NLGN1: variants seen among roughly 807,000 people sequenced by gnomAD.
NLGN1 encodes neuroligin 1.
In NLGN1, 12 loss-of-function variants were observed where a neutral mutation model predicts 65.5. The ratio of observed to expected loss-of-function variants is 0.18; its 90% CI spans 0.12 to 0.30. The LOEUF (loss-of-function observed/expected upper bound fraction) is 0.30, where lower values mean the gene tolerates loss of function less well. NLGN1 is among the 10% of genes least tolerant of loss of function. The probability of loss-of-function intolerance (pLI) is 1.00; values close to 1 mark genes in which losing one functional copy is unlikely to be tolerated. For missense variants in NLGN1, 750 were observed against 1,007.1 expected, an observed-to-expected ratio of 0.74 and a Z score of 3.46; for synonymous variants, 350 against 359.5, an observed-to-expected ratio of 0.97 and a Z score of 0.30.
At chr3:174,238,954 G>T (rs990399554) in intron 4 of NLGN1, among the ~76,000 whole-genome samples, 3 of 152,072 alleles carry the variant, frequency 2.0e-5, no homozygotes, top group African/African-American at 7.2e-5. Flanking sequence ...GGGGTTGGTG[G>T]AATGTCTTGG....
At chr3:173,815,397 G>A (rs113587639) in intron 4 of NLGN1, among the ~76,000 whole-genome samples, 8,696 of 151,948 alleles carry the variant, frequency 0.057, 608 homozygotes, top group East Asian at 0.17. Context: ...ATGAGCCACC[G>A]CACCCAGCCC....
chr3:173,707,774 G>C (rs1384835339), intron 3 of NLGN1, among the ~76,000 whole-genome samples: 1 of 152,122 alleles, frequency 6.6e-6, no homozygotes. Context: ...ATCTAATTAA[G>C]AAACTGAAAA....
At position 174,003,718 on chromosome 3, in the gene NLGN1, G is replaced by T. The variant is rs145461092; in HGVS notation, c.646+195886G>T. On this transcript the variant is annotated intron_variant, in intron 4 of 6. Coordinates refer to ENST00000457714, the Ensembl canonical transcript of NLGN1. ...AAAGATGGAAAATTAGACTCTTGAG[G>T]AAAGGACCTTTATCTATTTTATCTG... Among the ~76,000 whole-genome samples, 19 of 152,188 alleles carry T rather than the reference G, an allele frequency of 1.2e-4. No homozygotes were observed. In the East Asian group the frequency reaches 3.5e-3, roughly 28 times the overall value.
intron 3 of NLGN1, among the ~76,000 whole-genome samples, chr3:173,679,123 T>C (rs1337657912): frequency 1.4e-5 from 2 of 139,556 alleles, no homozygotes; most frequent in Non-Finnish European, 3.0e-5. Context: ...GCAGCCCCGA[T>C]GTGAAAAAAA....
intron 4 of NLGN1, among the ~76,000 whole-genome samples, chr3:174,231,596 T>G (rs1243506020): frequency 1.3e-5 from 2 of 152,132 alleles, no homozygotes; most frequent in Non-Finnish European, 2.9e-5. Context: ...CAGGCCATAT[T>G]TAGTTTGCGG....
chr3:173,470,656 A>G (rs1244374197), intron 2 of NLGN1, among the ~76,000 whole-genome samples: 1 of 152,154 alleles, frequency 6.6e-6, no homozygotes, highest in African/African-American at 2.4e-5. Context: ...AAATGAGAGA[A>G]CATTTCCAAG....
In NLGN1 at chr3:173,498,670, A is replaced by G. The variant is rs140793353; in HGVS notation, c.-321+63592A>G. ...CTTGAACTAGCTTACAGTCCCACCA[A>G]TAGTGTAAAAGTGTTCCTATTTCTT... On this transcript the variant is annotated intron_variant, in intron 2 of 6. Transcript: ENST00000457714. 5.9e-5 allele frequency among the ~76,000 whole-genome samples: 9 copies of G among 151,934 alleles called. No individual in the cohort carries two copies. The East Asian group carries it at 9.7e-4, about 16-fold the overall frequency.
At chr3:174,277,626 T>C (rs1750828320) in intron 5 of NLGN1, among the ~76,000 whole-genome samples, 1 of 151,932 alleles carries the variant, frequency 6.6e-6, no homozygotes, top group African/African-American at 2.4e-5. Flanking sequence ...GCATACTTTG[T>C]TCTAGTAAAC....
At chr3:174,276,636 G>T (rs1328072281) in intron 5 of NLGN1, among the ~76,000 whole-genome samples, 1 of 151,782 alleles carries the variant, frequency 6.6e-6, no homozygotes, top group Non-Finnish European at 1.5e-5. Flanking sequence ...AATTTCAAAA[G>T]AACAGCCAGT....
At chr3:173,852,165 G>C (rs11925236) in intron 4 of NLGN1, among the ~76,000 whole-genome samples, 31,779 of 149,924 alleles carry the variant, frequency 0.21, 3,612 homozygotes, top group African/African-American at 0.34. Flanking sequence ...GACCATCCTG[G>C]CTAACACGGT....
chr3:174,207,518 T>C (rs191464356), intron 4 of NLGN1, among the ~76,000 whole-genome samples: 17 of 152,356 alleles, frequency 1.1e-4, no homozygotes, highest in Admixed American at 8.5e-4. Context: ...TCATGTCATA[T>C]TGCCAAGCCA....
At chr3:173,765,364 C>A (rs1322823440) in intron 3 of NLGN1, among the ~76,000 whole-genome samples, 1 of 151,902 alleles carries the variant, frequency 6.6e-6, no homozygotes, top group Non-Finnish European at 1.5e-5. Context: ...TGCACTGTGG[C>A]CTAAGCACAT....
At chr3:173,642,856 A>G (rs550933653) in intron 3 of NLGN1, among the ~76,000 whole-genome samples, 2 of 152,372 alleles carry the variant, frequency 1.3e-5, no homozygotes, top group Admixed American at 1.3e-4. Flanking sequence ...ATGACCCTTT[A>G]TAAGTAAAAT....
chr3:173,397,922 G>A (rs1176701674), upstream of NLGN1: 1 of 152,282 alleles, frequency 6.6e-6, no homozygotes, highest in African/African-American at 2.4e-5. Context: ...GCGAGCGACT[G>A]TGCGGCGCTC....
intron 4 of NLGN1, among the ~76,000 whole-genome samples, chr3:174,124,095 G>C (rs1426577226): frequency 6.6e-6 from 1 of 152,064 alleles, no homozygotes; most frequent in Non-Finnish European, 1.5e-5. Flanking sequence ...ATCCCTTTCT[G>C]TGAGAATGTT....
intron 4 of NLGN1, among the ~76,000 whole-genome samples, chr3:174,161,851 A>C (rs1726592549): frequency 6.6e-6 from 1 of 151,796 alleles, no homozygotes; most frequent in South Asian, 2.1e-4. Context: ...GACTGGGAGG[A>C]TCAATTTCTA....
At chr3:173,675,590 T>A (rs1763011755) in intron 3 of NLGN1, among the ~76,000 whole-genome samples, 1 of 152,274 alleles carries the variant, frequency 6.6e-6, no homozygotes, top group South Asian at 2.1e-4. Flanking sequence ...TATTTTATTC[T>A]TGGTAGCTGA....
At chr3:173,520,256 A>T (rs1269713938) in intron 2 of NLGN1, among the ~76,000 whole-genome samples, 2 of 152,208 alleles carry the variant, frequency 1.3e-5, no homozygotes, top group Non-Finnish European at 2.9e-5. Flanking sequence ...GTATTTCTTT[A>T]TAGCAATGCA....
At chr3:173,560,173 C>T (rs549697612) in intron 2 of NLGN1, among the ~76,000 whole-genome samples, 87 of 151,962 alleles carry the variant, frequency 5.7e-4, no homozygotes, top group Non-Finnish European at 1.2e-3. Context: ...CCTCGTGATC[C>T]GCCCGCCTCG....
Sources: gnomAD v4.1 joint callset for allele counts (sites outside exome capture counted in the v4.1 genomes callset) on GRCh38, gnomAD v4.1.1 for gene constraint, MANE v1.5 for transcripts, NCBI Gene and HGNC (gene_info 2026-07-23, HGNC 2026-07-21) for gene names.